SLC4A10: variants seen among roughly 807,000 people sequenced by gnomAD.
SLC4A10 encodes the protein sodium-driven chloride bicarbonate exchanger.
SLC4A10 carries 42 observed loss-of-function variants against 137.7 expected under a neutral mutation model. The observed-to-expected ratio is 0.30, with a 90% CI of 0.24 to 0.39. SLC4A10 has a LOEUF of 0.39. Among genes scored for constraint, SLC4A10 ranks in the 10% least tolerant of loss-of-function variants. The pLI is 1.00. For synonymous variants in SLC4A10, 474 were observed against 464.1 expected (o/e 1.02, Z -0.27); for missense variants, 925 against 1,355.0 (o/e 0.68, Z 4.98).
chr2:161,837,207 C>A (rs187976778), intron 3 of SLC4A10, among the ~76,000 whole-genome samples: 1 of 152,070 alleles, frequency 6.6e-6, no homozygotes, highest in East Asian at 1.9e-4. Context: ...CTGGAAAATT[C>A]CGTGGAACCT....
chr2:161,667,826 A>G (rs1004417050), intron 1 of SLC4A10, among the ~76,000 whole-genome samples: 1 of 151,696 alleles, frequency 6.6e-6, no homozygotes, highest in African/African-American at 2.4e-5. Flanking sequence ...TTGAGGTTGT[A>G]TCTAGTTTTT....
intron 4 of SLC4A10, among the ~76,000 whole-genome samples, chr2:161,842,997 A>C (rs555384031): frequency 7.9e-5 from 12 of 152,300 alleles, no homozygotes; most frequent in African/African-American, 2.9e-4. Flanking sequence ...GGTTAGTTAG[A>C]GTCTCTTTAA....
chr2:161,652,185 A>T (rs1266641151), intron 1 of SLC4A10, among the ~76,000 whole-genome samples: 1 of 152,128 alleles, frequency 6.6e-6, no homozygotes, highest in Non-Finnish European at 1.5e-5. Flanking sequence ...TATGTACATT[A>T]TTTGTTCTCA....
At chr2:161,810,789 G>C (rs1290941533) in intron 3 of SLC4A10, among the ~76,000 whole-genome samples, 1 of 151,866 alleles carries the variant, frequency 6.6e-6, no homozygotes, top group Non-Finnish European at 1.5e-5. Flanking sequence ...TGAGGATTTT[G>C]TGTCTATGTT....
intron 1 of SLC4A10, among the ~76,000 whole-genome samples, chr2:161,636,917 A>G (rs1166993889): frequency 6.7e-6 from 1 of 150,102 alleles, no homozygotes; most frequent in East Asian, 2.0e-4. Context: ...GGGTCTCAGT[A>G]TGTTGCTCAG....
At chr2:161,836,576 GAAAGAAAGAAAGAAAGAAAGA>G (rs1559359446) in intron 3 of SLC4A10, among the ~76,000 whole-genome samples, 8 of 111,612 alleles carry the variant, frequency 7.2e-5, no homozygotes, top group South Asian at 3.1e-4. Context: ...AAGAAAGAAA[GAAAGAAAGAAAGAAAGAAAGA>G]AAGGAAGGAA....
intron 15 of SLC4A10, among the ~76,000 whole-genome samples, chr2:161,930,412 T>C (rs1362383475): frequency 1.3e-5 from 2 of 152,066 alleles, no homozygotes; most frequent in Non-Finnish European, 2.9e-5. Context: ...TTACTTTGTA[T>C]TGAACATCCA....
intron 3 of SLC4A10, among the ~76,000 whole-genome samples, chr2:161,837,435 A>G (rs1201571847): frequency 6.6e-6 from 1 of 152,186 alleles, no homozygotes; most frequent in Non-Finnish European, 1.5e-5. Context: ...AAATATTTTG[A>G]AATGAAAGAA....
At chr2:161,944,626 G>A (rs1471529994) in intron 16 of SLC4A10, among the ~76,000 whole-genome samples, 2 of 151,140 alleles carry the variant, frequency 1.3e-5, no homozygotes, top group Non-Finnish European at 3.0e-5. Flanking sequence ...AAAAAGTTTT[G>A]TACTAGGTGT....
intron 1 of SLC4A10, among the ~76,000 whole-genome samples, chr2:161,711,969 T>C (rs1378428901): frequency 6.6e-6 from 1 of 151,892 alleles, no homozygotes; most frequent in African/African-American, 2.4e-5. Context: ...ACAGACTTTG[T>C]TATAGACATT....
At chr2:161,698,669 G>A (rs1178488851) in intron 1 of SLC4A10, among the ~76,000 whole-genome samples, 1 of 152,130 alleles carries the variant, frequency 6.6e-6, no homozygotes, top group African/African-American at 2.4e-5. Context: ...ACTTGATCAT[G>A]GTGGATAAGC....
intron 1 of SLC4A10, among the ~76,000 whole-genome samples, chr2:161,640,677 G>A (rs530229643): frequency 1.6e-5 from 2 of 124,586 alleles, no homozygotes; most frequent in Admixed American, 9.1e-5. Flanking sequence ...TTTGAGATGG[G>A]GTCTTGCCAT....
chr2:161,718,915 T>G (rs1428372743), intron 1 of SLC4A10, among the ~76,000 whole-genome samples: 2 of 152,110 alleles, frequency 1.3e-5, no homozygotes, highest in East Asian at 3.8e-4. Context: ...TTTTTTTTAT[T>G]ATTATACTTT....
intron 1 of SLC4A10, among the ~76,000 whole-genome samples, chr2:161,758,912 A>C (rs2049954845): frequency 6.6e-6 from 1 of 151,986 alleles, no homozygotes; most frequent in African/African-American, 2.4e-5. Context: ...ACAAACCAAA[A>C]TATGACCCTT....
At chr2:161,626,970 C>A (rs1455061942) in intron 1 of SLC4A10, among the ~76,000 whole-genome samples, 1 of 152,034 alleles carries the variant, frequency 6.6e-6, no homozygotes, top group Non-Finnish European at 1.5e-5. Flanking sequence ...AGAACTCAGT[C>A]AAGGCCAAAC....
chr2:161,749,167 A>G lies in SLC4A10; in HGVS notation c.49-21806A>G, dbSNP rs777316491. ...ACTGATTTCATTTAGTCATTCTAATAGTTTCATGCTGTGGATTCTTTAGGG... is the reference window on the plus strand; with the variant it reads ...ACTGATTTCATTTAGTCATTCTAATGGTTTCATGCTGTGGATTCTTTAGGG... On this transcript the variant is annotated intron_variant, in intron 1 of 26. Transcript: ENST00000446997. Among the ~76,000 whole-genome samples the G allele has an allele frequency of 2.6e-5, 4 of 152,094 alleles. No homozygotes were observed. The South Asian group carries it at 6.2e-4, about 24-fold the overall frequency.
chr2:161,920,914 C>T (rs1296018416), intron 15 of SLC4A10, among the ~76,000 whole-genome samples: 1 of 152,184 alleles, frequency 6.6e-6, no homozygotes, highest in Non-Finnish European at 1.5e-5. Context: ...ACAATATGGT[C>T]CCTACTCTGA....
chr2:161,919,144 C>G (rs1285431491), intron 15 of SLC4A10, among the ~76,000 whole-genome samples: 1 of 152,180 alleles, frequency 6.6e-6, no homozygotes, highest in Non-Finnish European at 1.5e-5. Context: ...GACACACCAG[C>G]CCCCTGCCAT....
At chr2:161,746,850 G>A (rs1279859815) in intron 1 of SLC4A10, among the ~76,000 whole-genome samples, 1 of 152,106 alleles carries the variant, frequency 6.6e-6, no homozygotes, top group Non-Finnish European at 1.5e-5. Context: ...GTTTCCTTCT[G>A]GGTCCGAGTC....
Sources: allele counts gnomAD v4.1 joint callset (sites outside exome capture counted in the v4.1 genomes callset), GRCh38; gene constraint gnomAD v4.1.1; transcripts MANE v1.5; gene names NCBI Gene and HGNC (gene_info 2026-07-23, HGNC 2026-07-21).